The following PPFIBP2 variants were observed in gnomAD, a reference collection of about 807,000 sequenced individuals.
PPFIBP2 encodes the protein liprin-beta-2.
PPFIBP2 carries 118 observed loss-of-function variants against 118.3 expected under a neutral mutation model. The ratio of observed to expected loss-of-function variants is 1.00; its 90% CI spans 0.86 to 1.16. The LOEUF is 1.16. Among genes scored for constraint, PPFIBP2 ranks in the 50% most tolerant of loss-of-function variants. The pLI, the probability that PPFIBP2 is intolerant of heterozygous loss-of-function variation, is 0.00. For missense variants in PPFIBP2, 1,195 were observed against 1,073.1 expected, an observed-to-expected ratio of 1.11 and a Z score of -1.59; for synonymous variants, 414 against 397.4, an observed-to-expected ratio of 1.04 and a Z score of -0.50.
intron 2 of PPFIBP2, among the ~76,000 whole-genome samples, chr11:7,558,436 TC>T (rs760647239): frequency 6.6e-6 from 1 of 152,148 alleles, no homozygotes; most frequent in Non-Finnish European, 1.5e-5. Context: ...ACCACAGACA[TC>T]CCTATGTGCT....
intron 11 of PPFIBP2, 168 bp from the exon 12 acceptor site, chr11:7,632,699 A>AC (rs1850932078): frequency 1.8e-6 from 1 of 567,494 alleles, no homozygotes; most frequent in Admixed American, 2.6e-5. Flanking sequence ...AGCCTACCAC[A>AC]CCCCCTTGCA....
At chr11:7,656,895 G>A, downstream of PPFIBP2, 13 of 933,520 alleles carry the variant, frequency 1.4e-5, no homozygotes, top group Non-Finnish European at 1.8e-5. Context: ...TGCAAGCCCA[G>A]TCCGGGCTGG....
At chr11:7,642,122 G>A in intron 16 of PPFIBP2, 176 bp from the exon 17 acceptor site, 3 of 696,706 alleles carry the variant, frequency 4.3e-6, no homozygotes, top group Non-Finnish European at 4.5e-6. Context: ...ATTGAGGCTT[G>A]AGTCTGGCCA....
intron 3 of PPFIBP2, among the ~76,000 whole-genome samples, chr11:7,568,040 T>C (rs1254657236): frequency 1.3e-5 from 2 of 152,260 alleles, no homozygotes; most frequent in South Asian, 2.1e-4. Context: ...TTCTCATGCA[T>C]GATGTCTGTG....
chr11:7,632,932 C>T lies in PPFIBP2; in HGVS notation c.1134C>T (p.Thr378=). ...PPPLPQKSLE[T]RAQKKLSCSL... ...CATTGCCACAGAAATCACTGGAAAC[C>T]AGGTAAGAGGCCTGGGCATTTCCCC... Residue 378 remains threonine (T), a splice_region_variant and synonymous_variant, in exon 12 of 24, where the codon ACC becomes ACT. Transcript: ENST00000299492. 1.2e-6 allele frequency: 2 copies of T among 1,613,300 alleles called. No homozygotes were observed. The highest frequency in any genetic ancestry group is 1.1e-5 in the South Asian group (1 of 91,036).
At chr11:7,661,049 T>C (rs1166747159), downstream of PPFIBP2, among the ~76,000 whole-genome samples, 2 of 152,056 alleles carry the variant, frequency 1.3e-5, no homozygotes, top group Non-Finnish European at 2.9e-5. Context: ...TTTTTCTTTA[T>C]TAGTTTTGCT....
Position 7,653,116 on chromosome 11 carries a change from C to T in PPFIBP2, c.2529C>T (p.Asp843=), listed in dbSNP as rs201657784. Residue 843 remains aspartate (D), a synonymous_variant, in exon 24 of 24, where the codon GAC becomes GAT. Coordinates refer to ENST00000299492, the MANE Select transcript of PPFIBP2 (RefSeq NM_003621.5). ...TDYICPMEPS[D]GVSDSHRVYS... ...ACATTTGCCCAATGGAGCCCAGTGA[C>T]GGTGTCAGTGATAGTCACAGGGTCT... The T allele has an allele frequency of 1.4e-5, 23 of 1,614,236 alleles. No individual in the cohort carries two copies. Among genetic ancestry groups the T allele is most frequent in the African/African-American group, 9.3e-5 (7 of 75,078 alleles).
At chr11:7,651,548 C>T (rs1167351770) in intron 22 of PPFIBP2, 108 bp from the exon 23 acceptor site, 2 of 963,802 alleles carry the variant, frequency 2.1e-6, no homozygotes, top group Admixed American at 2.3e-5. Flanking sequence ...GAGCTCCTGT[C>T]CCTCCTCTGG....
In PPFIBP2 at chr11:7,598,928, A is replaced by G. The variant is rs186567204; in HGVS notation, c.486+1255A>G. ...AATGTAAGTCAGTGTTTTTATATAT[A>G]TGTCTTCATAAAAACCCGTTTCAAT... On this transcript the variant is annotated intron_variant, in intron 5 of 23. Transcript: ENST00000299492. 1.1e-4 allele frequency among the ~76,000 whole-genome samples: 14 copies of G among 128,016 alleles called. 1 individual carries two copies. In the East Asian group the frequency reaches 3.2e-3, roughly 29 times the overall value. The allele number at this position is 128,016 out of a possible 152,430, so 84.0% of individuals were successfully genotyped here.
At chr11:7,658,158 T>A (rs555519490), downstream of PPFIBP2, among the ~76,000 whole-genome samples, 8 of 152,264 alleles carry the variant, frequency 5.3e-5, no homozygotes, top group South Asian at 1.0e-3. Flanking sequence ...ATTTTTTTTT[T>A]ATTATACTTT....
intron 19 of PPFIBP2, 74 bp downstream of exon 19, chr11:7,648,985 G>T (rs1371526056): frequency 1.4e-6 from 2 of 1,432,540 alleles, no homozygotes; most frequent in Non-Finnish European, 9.8e-7. Context: ...CCTGTTAAAT[G>T]GGTACCTCAA....
downstream of PPFIBP2, chr11:7,653,799 G>A: frequency 8.4e-7 from 1 of 1,194,578 alleles, no homozygotes; most frequent in South Asian, 1.5e-5. Flanking sequence ...GGGAAAAAGA[G>A]CTGAGGGTAG....
chr11:7,635,724 G>A (rs1451581382), intron 14 of PPFIBP2, 131 bp downstream of exon 14: 5 of 890,712 alleles, frequency 5.6e-6, no homozygotes, highest in Middle Eastern at 2.3e-4. Flanking sequence ...GAGGAAAGAC[G>A]CAACTTTTCT....
At chr11:7,568,144 G>A (rs1019535178) in intron 3 of PPFIBP2, among the ~76,000 whole-genome samples, 7 of 152,160 alleles carry the variant, frequency 4.6e-5, no homozygotes, top group African/African-American at 1.7e-4. Context: ...GGCCTGACAT[G>A]GTCCAACTCT....
chr11:7,611,013 C>T (rs1320508386), intron 6 of PPFIBP2, among the ~76,000 whole-genome samples: 1 of 152,234 alleles, frequency 6.6e-6, no homozygotes, highest in Non-Finnish European at 1.5e-5. Flanking sequence ...GAATTTTACA[C>T]TCAGAGCTCC....
At chr11:7,533,828 G>C (rs544395996) in intron 1 of PPFIBP2, among the ~76,000 whole-genome samples, 1 of 152,214 alleles carries the variant, frequency 6.6e-6, no homozygotes, top group South Asian at 2.1e-4. Context: ...TAGCGGGGAA[G>C]GTTAACTGTA....
chr11:7,641,596 A>C lies in PPFIBP2; in HGVS notation c.1493A>C (p.Lys498Thr), dbSNP rs766938258. 1 of 1,614,098 alleles carries C rather than the reference A, an allele frequency of 6.2e-7. No homozygotes were observed. The highest frequency in any genetic ancestry group is 8.5e-7 in the Non-Finnish European group (1 of 1,179,916). The change falls in exon 16 of 24, where the codon AAA (lysine) becomes ACA (threonine). Residue 498 changes from lysine (K) to threonine (T), a missense_variant. By Grantham distance (78) the Lys-to-Thr change is moderately conservative (BLOSUM62 -1). Transcript: ENST00000299492. Reference protein sequence around the residue: ...PLTPDGKRNPKGIKKFWGKIR... With the variant: ...PLTPDGKRNPTGIKKFWGKIR... ...ACACCAGATGGTAAACGGAATCCCAAAGGCATTAAGAAGTTCTGGGGAAAG... is the reference window on the plus strand; with the variant it reads ...ACACCAGATGGTAAACGGAATCCCACAGGCATTAAGAAGTTCTGGGGAAAG...
intron 3 of PPFIBP2, among the ~76,000 whole-genome samples, chr11:7,573,262 G>A (rs1855861476): frequency 6.6e-6 from 1 of 152,162 alleles, no homozygotes; most frequent in South Asian, 2.1e-4. Context: ...AGTTCATTCT[G>A]GATGGGGAAG....
intron 17 of PPFIBP2, among the ~76,000 whole-genome samples, chr11:7,642,878 C>T (rs10743029): frequency 0.81 from 123,240 of 152,208 alleles, 50,947 homozygotes; most frequent in East Asian, 0.96. Flanking sequence ...GCATCCCCTG[C>T]GGAAGGGAGT....
Sources: gnomAD v4.1 joint callset for allele counts (sites outside exome capture counted in the v4.1 genomes callset) on GRCh38, gnomAD v4.1.1 for gene constraint, MANE v1.5 for transcripts, NCBI Gene and HGNC (gene_info 2026-07-23, HGNC 2026-07-21) for gene names.